DDRGK1: variants seen among roughly 807,000 people sequenced by gnomAD.
DDRGK1 encodes DDRGK domain containing 1.
In DDRGK1, 38 loss-of-function variants were observed where a neutral mutation model predicts 45.8. That is an observed-to-expected ratio of 0.83 (90% CI 0.64 to 1.09). The LOEUF is 1.09. DDRGK1 is among the 50% of genes least tolerant of loss of function. The pLI, the probability that DDRGK1 is intolerant of heterozygous loss-of-function variation, is 0.00. For synonymous variants in DDRGK1, 171 were observed against 168.7 expected (o/e 1.01, Z -0.11); for missense variants, 403 against 419.9 (o/e 0.96, Z 0.35).
rs6037497 is a variant in DDRGK1, at chr20:3,202,701, C to G, written c.295+512G>C. On this transcript the variant is annotated intron_variant, in intron 2 of 8. Transcript: ENST00000354488. ...CCCCAGTTTCTGAGAAACGCCCAGA[C>G]GCCCCCTCCTCAGGCTCAAGCCAGC... Among the ~76,000 whole-genome samples, 179 of 152,332 alleles carry G rather than the reference C, an allele frequency of 1.2e-3. 1 individual carries two copies. The highest frequency in any genetic ancestry group is 4.0e-3 in the African/African-American group (168 of 41,578).
At chr20:3,191,295 A>T in intron 7 of DDRGK1, 57 bp from the exon 8 acceptor site, 2 of 1,574,480 alleles carry the variant, frequency 1.3e-6, no homozygotes, top group Non-Finnish European at 1.7e-6. Context: ...CAGAAAAAGC[A>T]CTGAAACCTC....
chr20:3,200,151 G>A (rs1354926414), intron 3 of DDRGK1, 49 bp from the exon 4 acceptor site: 1 of 1,590,028 alleles, frequency 6.3e-7, no homozygotes. Flanking sequence ...CGGCTAGAGT[G>A]TGCCCACCGC....
intron 4 of DDRGK1, 35 bp from the exon 5 acceptor site, chr20:3,195,388 G>C: frequency 6.4e-7 from 1 of 1,556,430 alleles, no homozygotes. Context: ...AGGTATCGGG[G>C]GCAGAACAGG....
chr20:3,190,928 T>G (rs1436374478), intron 8 of DDRGK1, 109 bp from the exon 9 acceptor site: 1 of 1,456,092 alleles, frequency 6.9e-7, no homozygotes, highest in Non-Finnish European at 9.2e-7. Context: ...TCCGGCCTCC[T>G]GCCTGCCTGG....
chr20:3,192,783 C>T (rs1276279393), intron 6 of DDRGK1, among the ~76,000 whole-genome samples: 2 of 152,234 alleles, frequency 1.3e-5, no homozygotes, highest in Admixed American at 1.3e-4. Context: ...GTGAATCCTC[C>T]ACCGCAAATG....
At chr20:3,199,106 G>A (rs1171213523) in intron 4 of DDRGK1, among the ~76,000 whole-genome samples, 1 of 152,004 alleles carries the variant, frequency 6.6e-6, no homozygotes, top group African/African-American at 2.4e-5. Context: ...AGTGAGCCAA[G>A]ATCGTGCCAT....
In DDRGK1 at chr20:3,192,399, G is replaced by C. The variant is rs534058454; in HGVS notation, c.673-578C>G. The stretch of plus-strand genomic sequence containing the variant: ...GTGAGACAGGTGAGTACATGGACAA[G>C]AGGGAGAGCAGATAAAAGCCCGAGC... On this transcript the variant is annotated intron_variant, in intron 6 of 8. Coordinates refer to ENST00000354488, the MANE Select transcript of DDRGK1 (RefSeq NM_023935.3). 2.6e-3 allele frequency among the ~76,000 whole-genome samples: 393 copies of C among 152,336 alleles called. 2 individuals are homozygous for C. Among genetic ancestry groups the C allele is most frequent in the Middle Eastern group, 6.8e-3 (2 of 294 alleles).
chr20:3,195,148 T>A (rs2067004610), intron 5 of DDRGK1, 83 bp downstream of exon 5: 1 of 1,603,398 alleles, frequency 6.2e-7, no homozygotes, highest in Non-Finnish European at 8.5e-7. Flanking sequence ...CAGGGGCGTC[T>A]GGGATGGGGT....
chr20:3,195,134 T>C (rs2122232091), intron 5 of DDRGK1, 97 bp downstream of exon 5: 1 of 1,588,598 alleles, frequency 6.3e-7, no homozygotes, highest in Non-Finnish European at 8.6e-7. Context: ...TCTCACTGCC[T>C]GGCCAGGGGC....
intron 6 of DDRGK1, among the ~76,000 whole-genome samples, chr20:3,193,946 C>G (rs971506383): frequency 4.6e-5 from 7 of 152,160 alleles, no homozygotes; most frequent in African/African-American, 1.4e-4. Context: ...CCGGCCACAG[C>G]CCCTAATCAA....
At position 3,204,638 on chromosome 20, in the gene DDRGK1, T is replaced by A. The variant is rs374518596; in HGVS notation, c.-11A>T. 46 of 1,572,658 alleles carry A rather than the reference T, an allele frequency of 2.9e-5. No individual in the cohort carries two copies. The highest frequency in any genetic ancestry group is 5.4e-5 in the African/African-American group (4 of 74,286). On this transcript the variant is annotated 5_prime_UTR_variant, in exon 1 of 9. Transcript: ENST00000354488. ...CACAGGCGCCACCATGACGAGGGCC[T>A]CAGTGCAGAACCACTGCGTCCACCC...
chr20:3,192,604 T>C (rs1390339742), intron 6 of DDRGK1, among the ~76,000 whole-genome samples: 1 of 152,180 alleles, frequency 6.6e-6, no homozygotes, highest in Non-Finnish European at 1.5e-5. Flanking sequence ...CTGAGTGCTT[T>C]CCAGCACAGC....
At chr20:3,201,661 G>GT (rs1289324197) in intron 2 of DDRGK1, among the ~76,000 whole-genome samples, 3 of 150,746 alleles carry the variant, frequency 2.0e-5, no homozygotes, top group African/African-American at 7.3e-5. Flanking sequence ...TGTTTTTTTT[G>GT]GTTTTTTTTT....
In DDRGK1 at chr20:3,200,045, A is replaced by G; in HGVS notation, c.466T>C (p.Trp156Arg). The G allele has an allele frequency of 1.9e-6, 3 of 1,613,324 alleles. No individual in the cohort carries two copies. The South Asian group carries it at 3.3e-5, about 18-fold the overall frequency. The part of the protein sequence containing the change: ...KRLESQREAE[W>R]KKEEERLRLE... ...CGAAGCCGCTCCTCCTCCTTCTTCC[A>G]CTCAGCTTCGCGCTGGGACTCGAGT... The change falls in exon 4 of 9, where the codon TGG becomes CGG. Residue 156 changes from tryptophan to arginine, a missense_variant. Transcript: ENST00000354488.
At chr20:3,191,034 C>T (rs1468790395) in intron 8 of DDRGK1, among the ~76,000 whole-genome samples, 156 bp downstream of exon 8, 4 of 152,182 alleles carry the variant, frequency 2.6e-5, no homozygotes, top group Non-Finnish European at 5.9e-5. Flanking sequence ...CTGGCATGTC[C>T]TCCTTGTAAC....
chr20:3,200,400 A>G lies in DDRGK1; in HGVS notation c.350T>C (p.Ile117Thr). The change falls in exon 3 of 9, where the codon ATT (isoleucine) becomes ACT (threonine). Residue 117 changes from isoleucine (I) to threonine (T), a missense_variant. Transcript: ENST00000354488. ...CAGCTTCCGCAGTTTCTTAGCTCCAATTTTCCCCGACAGGTGAGTTTCCGC... is the reference window on the plus strand; with the variant it reads ...CAGCTTCCGCAGTTTCTTAGCTCCAGTTTTCCCCGACAGGTGAGTTTCCGC... ...KPAETHLSGK[I>T]GAKKLRKLEE... is the part of the protein sequence containing the mutation. The G allele has an allele frequency of 1.3e-6, 2 of 1,584,258 alleles. No individual in the cohort carries two copies. The highest frequency in any genetic ancestry group is 1.7e-6 in the Non-Finnish European group (2 of 1,164,900).
intron 3 of DDRGK1, 83 bp downstream of exon 3, chr20:3,200,259 C>A (rs985975066): frequency 1.4e-6 from 2 of 1,474,074 alleles, no homozygotes; most frequent in Non-Finnish European, 1.8e-6. Flanking sequence ...CAGCAGGCAA[C>A]AAGCCCTCAG....
Position 3,190,541 on chromosome 20 carries a change from T to C in DDRGK1, c.*112A>G, listed in dbSNP as rs1302643011. 7 of 1,377,962 alleles carry C rather than the reference T, an allele frequency of 5.1e-6. No homozygotes were observed. The highest frequency in any genetic ancestry group is 7.0e-6 in the Non-Finnish European group (7 of 1,003,208). 85.4% of individuals were successfully genotyped at this position (1,377,962 alleles called of 1,614,324 possible). ...AAGCTCAGCAGTACTCACAGGCCTTTAATCTATAACTGCCTGGCCACACCA... is the reference window on the plus strand; with the variant it reads ...AAGCTCAGCAGTACTCACAGGCCTTCAATCTATAACTGCCTGGCCACACCA... On this transcript the variant is annotated 3_prime_UTR_variant, in exon 9 of 9. Coordinates refer to ENST00000354488, the MANE Select transcript of DDRGK1 (RefSeq NM_023935.3).
At chr20:3,195,122 C>A in intron 5 of DDRGK1, 109 bp downstream of exon 5, 1 of 1,566,960 alleles carries the variant, frequency 6.4e-7, no homozygotes, top group South Asian at 1.2e-5. Flanking sequence ...TGCCCACCCA[C>A]CTCTCACTGC....
Sources: allele counts gnomAD v4.1 joint callset (sites outside exome capture counted in the v4.1 genomes callset), GRCh38; gene constraint gnomAD v4.1.1; transcripts MANE v1.5; gene names NCBI Gene and HGNC (gene_info 2026-07-23, HGNC 2026-07-21).